The following ZNF346 variants were observed in gnomAD, a reference collection of about 807,000 sequenced individuals.
The protein encoded by ZNF346 is double-stranded RNA-binding zinc finger protein JAZ.
A neutral mutation model predicts 33.7 loss-of-function variants in ZNF346; 23 were observed. That is an observed-to-expected ratio of 0.68 (90% CI 0.49 to 0.97). ZNF346 has a LOEUF of 0.97. Among genes scored for constraint, ZNF346 ranks in the 50% least tolerant of loss-of-function variants. The probability of loss-of-function intolerance (pLI) is 0.00; values close to 1 mark genes in which losing one functional copy is unlikely to be tolerated. For missense variants in ZNF346, 340 were observed against 371.1 expected (o/e 0.92, Z 0.69); for synonymous variants, 134 against 142.4 (o/e 0.94, Z 0.42).
rs541572453 is a variant in ZNF346 at position 177,023,370 on chromosome 5, C to T, written c.175+457C>T. On this transcript the variant is annotated intron_variant, in intron 1 of 6. Transcript: ENST00000358149. ...GGCTCTGGAAGGCCTTCTCCTTACC[C>T]CCTGGGTTCCTCCTGGTCTTGATGA... 9.3e-5 allele frequency: 64 copies of T among 686,138 alleles called. 1 individual carries two copies. In the African/African-American group the frequency reaches 1.1e-3, roughly 12 times the overall value. 42.5% of individuals were successfully genotyped at this position (686,138 alleles called of 1,614,324 possible).
Position 177,062,170 on chromosome 5 carries a change from A to G in ZNF346, c.797+19A>G. 2 of 1,608,448 alleles carry G rather than the reference A, an allele frequency of 1.2e-6. No homozygotes were observed. The highest frequency in any genetic ancestry group is 2.2e-5 in the South Asian group (2 of 90,904). ...AGAACCAGTAAGTAACCATTTTTTG[A>G]AATTCTAGGATCCATAGCAGGAGCT... On this transcript the variant is annotated intron_variant, in intron 6 of 6. Coordinates refer to ENST00000358149, the MANE Select transcript of ZNF346 (RefSeq NM_012279.4).
At chr5:177,037,983 A>T (rs1778748266) in intron 1 of ZNF346, among the ~76,000 whole-genome samples, 1 of 152,054 alleles carries the variant, frequency 6.6e-6, no homozygotes, top group African/African-American at 2.4e-5. Flanking sequence ...TTGAACATGG[A>T]ATATGCCAAA....
chr5:177,039,903 G>A (rs1581844024), intron 1 of ZNF346, among the ~76,000 whole-genome samples: 1 of 152,184 alleles, frequency 6.6e-6, no homozygotes, highest in Non-Finnish European at 1.5e-5. Flanking sequence ...TGCCTTGGCC[G>A]GGCGCGGTGG....
chr5:177,048,053 G>T (rs922108158), intron 4 of ZNF346, among the ~76,000 whole-genome samples: 3 of 151,926 alleles, frequency 2.0e-5, no homozygotes, highest in Non-Finnish European at 4.4e-5. Flanking sequence ...TTTAATATTC[G>T]TCTAATGCTG....
At chr5:177,042,353 A>T (rs2149634142) in intron 3 of ZNF346, 2 of 152,998 alleles carry the variant, frequency 1.3e-5, no homozygotes, top group Middle Eastern at 6.8e-3. Context: ...CTCAGAAATA[A>T]TATGAGCATT....
chr5:177,070,341 C>G (rs891882131), downstream of ZNF346, among the ~76,000 whole-genome samples: 4 of 152,100 alleles, frequency 2.6e-5, no homozygotes, highest in Non-Finnish European at 5.9e-5. Flanking sequence ...ATTTTGTAGC[C>G]TCGAATGGCC....
intron 5 of ZNF346, among the ~76,000 whole-genome samples, chr5:177,059,843 T>A (rs1650445308): frequency 6.6e-6 from 1 of 152,226 alleles, no homozygotes; most frequent in South Asian, 2.1e-4. Context: ...GTCTGTGTTC[T>A]TATGGAGCTT....
At chr5:177,056,427 A>T (rs1781685537) in intron 5 of ZNF346, among the ~76,000 whole-genome samples, 1 of 152,174 alleles carries the variant, frequency 6.6e-6, no homozygotes. Context: ...CTGGGTATAT[A>T]CCCAAAGGAT....
chr5:177,065,782 C>G lies in ZNF346; in HGVS notation c.*1183C>G, dbSNP rs145366452. 6.6e-6 allele frequency: 1 copy of G among 152,038 alleles called. No homozygotes were observed. Among genetic ancestry groups the G allele is most frequent in the African/African-American group, 2.4e-5 (1 of 41,434 alleles). The allele number at this position is 152,038 out of a possible 1,614,324, so 9.4% of individuals were successfully genotyped here. A position where few individuals can be genotyped will look rare whatever the true frequency, so the allele number is the denominator to read the frequency against. On this transcript the variant is annotated 3_prime_UTR_variant, in exon 7 of 7. Coordinates refer to ENST00000358149, the MANE Select transcript of ZNF346 (RefSeq NM_012279.4). Reference sequence around the variant, plus strand: ...TTCATTGTGTCAAAGAAGCCCCTAGCTGCTCTCGTGGCCTCCTTCCCCCAC... The same window carrying G: ...TTCATTGTGTCAAAGAAGCCCCTAGGTGCTCTCGTGGCCTCCTTCCCCCAC...
At chr5:177,023,312 C>T (rs978451619) in intron 1 of ZNF346, 1 of 1,029,258 alleles carries the variant, frequency 9.7e-7, no homozygotes, top group East Asian at 2.6e-5. Context: ...TAGGGCCTCT[C>T]GCCTCCCTTC....
chr5:177,044,543 T>C lies in ZNF346; in HGVS notation c.517+10T>C. 1 of 1,613,278 alleles carries C rather than the reference T, an allele frequency of 6.2e-7. No individual in the cohort carries two copies. Among genetic ancestry groups the C allele is most frequent in the Non-Finnish European group, 8.5e-7 (1 of 1,179,910 alleles). On this transcript the variant is annotated intron_variant, in intron 4 of 6. Transcript: ENST00000358149. ...TCCACTAAGGTGGAAGGTACTGGTT[T>C]TCCTGAGTAGTGCTATAGTGGGACC...
intron 1 of ZNF346, among the ~76,000 whole-genome samples, chr5:177,025,877 A>C (rs1158306200): frequency 5.3e-5 from 8 of 152,136 alleles, no homozygotes; most frequent in Non-Finnish European, 7.3e-5. Flanking sequence ...AGTTTTGATG[A>C]GATTAAATTT....
At chr5:177,043,742 C>T (rs1307192575) in intron 3 of ZNF346, among the ~76,000 whole-genome samples, 1 of 151,268 alleles carries the variant, frequency 6.6e-6, no homozygotes, top group Non-Finnish European at 1.5e-5. Flanking sequence ...CCAGCCTGGG[C>T]AACAGAGTGA....
At chr5:177,059,661 A>G (rs1420130455) in intron 5 of ZNF346, among the ~76,000 whole-genome samples, 1 of 152,152 alleles carries the variant, frequency 6.6e-6, no homozygotes, top group Admixed American at 6.6e-5. Context: ...TCTCCCACTC[A>G]GTAGAGCTGC....
chr5:177,041,125 G>A lies in ZNF346; in HGVS notation c.176-1G>A. ...ATGATTTCTTGTTTTCCCCTCTATA[G>A]TGGAGCACATGATCCAGAAGAACCA... On this transcript the variant is annotated splice_acceptor_variant, in intron 1 of 6. Coordinates refer to ENST00000358149, the MANE Select transcript of ZNF346 (RefSeq NM_012279.4). LOFTEE classifies it high-confidence loss of function. 1 of 1,611,942 alleles carries A rather than the reference G, an allele frequency of 6.2e-7. No homozygotes were observed. The highest frequency in any genetic ancestry group is 8.5e-7 in the Non-Finnish European group (1 of 1,178,068).
intron 6 of ZNF346, among the ~76,000 whole-genome samples, chr5:177,063,068 T>TG (rs1782737513): frequency 6.6e-6 from 1 of 151,774 alleles, no homozygotes; most frequent in Non-Finnish European, 1.5e-5. Context: ...ACATAACGTT[T>TG]TTTTTTTTTT....
At chr5:177,026,631 G>A (rs1350305341) in intron 1 of ZNF346, among the ~76,000 whole-genome samples, 1 of 152,000 alleles carries the variant, frequency 6.6e-6, no homozygotes, top group African/African-American at 2.4e-5. Flanking sequence ...CGAAGTGTTG[G>A]GATTACAGGT....
Position 177,077,732 on chromosome 5 carries a change from C to G in ZNF346, c.*3-1650C>G, listed in dbSNP as rs1783819386. On this transcript the variant is annotated intron_variant, in intron 8 of 8. Transcript: ENST00000503039. This position sits in a 1 kb window ranked among gnomAD's most constrained non-coding sequence, Gnocchi z 5.0. ...AGGAGGAGTGTTGGTTTCATCCAGT[C>G]CCCCGTGGACTGCTAGTAGGGGAGG... 6.6e-6 allele frequency among the ~76,000 whole-genome samples: 1 copy of G among 152,110 alleles called. No individual in the cohort carries two copies. Among genetic ancestry groups the G allele is most frequent in the African/African-American group, 2.4e-5 (1 of 41,392 alleles).
chr5:177,047,520 T>A (rs573719289), intron 4 of ZNF346, among the ~76,000 whole-genome samples: 26 of 151,860 alleles, frequency 1.7e-4, no homozygotes, highest in African/African-American at 6.3e-4. Flanking sequence ...GTTTTTTTGT[T>A]TTTTTGAGAT....
Sources: allele counts gnomAD v4.1 joint callset (sites outside exome capture counted in the v4.1 genomes callset), GRCh38; gene constraint gnomAD v4.1.1; non-coding constraint Gnocchi (gnomAD v3.1); transcripts MANE v1.5; gene names NCBI Gene and HGNC (gene_info 2026-07-23, HGNC 2026-07-21).